Variants in PIR observed in about 807,000 individuals in gnomAD.
PIR encodes pirin, also known as pirin (iron-binding nuclear protein).
PIR carries 22 observed loss-of-function variants against 24.2 expected under a neutral mutation model. The ratio of observed to expected loss-of-function variants is 0.91; its 90% CI spans 0.65 to 1.30. PIR has a LOEUF of 1.30. Ranked by LOEUF, PIR falls within the 50% of genes most tolerant of loss-of-function variation. The pLI, the probability that PIR is intolerant of heterozygous loss-of-function variation, is 0.00. For synonymous variants in PIR, 80 were observed against 79.6 expected, an observed-to-expected ratio of 1.00 and a Z score of -0.03; for missense variants, 220 against 220.3, an observed-to-expected ratio of 1.00 and a Z score of 0.01.
At chrX:15,443,882 C>T (rs758370082) in intron 5 of PIR, among the ~76,000 whole-genome samples, 8 of 112,282 alleles carry the variant, frequency 7.1e-5, no homozygotes, top group Non-Finnish European at 1.5e-4. Context: ...TGAATTGCTA[C>T]AAGCTCATGA....
chrX:15,469,855 G>C (rs1288793473), intron 3 of PIR, among the ~76,000 whole-genome samples: 4 of 111,404 alleles, frequency 3.6e-5, no homozygotes, highest in Non-Finnish European at 7.5e-5. Flanking sequence ...GGACAAGTGA[G>C]AGCACTATTT....
chrX:15,462,794 T>C (rs1300466602), intron 3 of PIR, among the ~76,000 whole-genome samples: 2 of 112,112 alleles, frequency 1.8e-5, no homozygotes, highest in African/African-American at 6.5e-5. Context: ...ATAAAACCTA[T>C]GATACAATAA....
chrX:15,406,378 A>G (rs180980624), intron 7 of PIR, among the ~76,000 whole-genome samples: 221 of 112,358 alleles, frequency 2.0e-3, no homozygotes, highest in Non-Finnish European at 1.4e-3. Context: ...GGGAAGACAG[A>G]CAACGAAGGG....
chrX:15,436,333 G>C (rs1244946237), intron 5 of PIR, among the ~76,000 whole-genome samples: 53 of 111,860 alleles, frequency 4.7e-4, no homozygotes, highest in South Asian at 3.7e-4. Flanking sequence ...GACTAAAGGG[G>C]AAGAGAATAA....
intron 3 of PIR, among the ~76,000 whole-genome samples, chrX:15,467,272 C>T (rs1309497664): frequency 8.9e-6 from 1 of 112,614 alleles, no homozygotes; most frequent in Admixed American, 9.4e-5. Context: ...TCTAAAACAA[C>T]ATTATCTGTC....
intron 3 of PIR, among the ~76,000 whole-genome samples, chrX:15,466,580 C>T (rs1921608842): frequency 8.9e-6 from 1 of 111,960 alleles, no homozygotes; most frequent in African/African-American, 3.2e-5. Flanking sequence ...GAGGCTCAGT[C>T]TCCTCATGTA....
chrX:15,424,069 T>C (rs1327639576), intron 6 of PIR, among the ~76,000 whole-genome samples: 2 of 112,372 alleles, frequency 1.8e-5, no homozygotes, highest in African/African-American at 6.5e-5. Flanking sequence ...AACTACTGGG[T>C]ACCTATTTAA....
At chrX:15,412,463 T>C (rs1404329096) in intron 6 of PIR, among the ~76,000 whole-genome samples, 1 of 112,376 alleles carries the variant, frequency 8.9e-6, no homozygotes, top group African/African-American at 3.2e-5. Context: ...ATAATGAACA[T>C]ATATGTTTGC....
Position 15,424,503 on chromosome X carries a change from A to G in PIR, c.565+1403T>C, listed in dbSNP as rs145177965. ...TGTTTGATAGATCAGTAGGACGACT[A>G]TTGTTTACAACAATCTTTGTATATT... On this transcript the variant is annotated intron_variant, in intron 6 of 9. Transcript: ENST00000380420. 5.1e-3 allele frequency among the ~76,000 whole-genome samples: 575 copies of G among 112,179 alleles called. 4 individuals carry two copies. The highest frequency in any genetic ancestry group is 0.017 in the African/African-American group (532 of 30,902).
chrX:15,412,858 A>T (rs974986934), intron 6 of PIR, among the ~76,000 whole-genome samples: 1 of 112,156 alleles, frequency 8.9e-6, no homozygotes, highest in Non-Finnish European at 1.9e-5. Flanking sequence ...AAATGAGCAC[A>T]CACCATTACA....
chrX:15,469,291 G>T (rs969560139), intron 3 of PIR, among the ~76,000 whole-genome samples: 1 of 111,672 alleles, frequency 9.0e-6, no homozygotes, highest in Non-Finnish European at 1.9e-5. Context: ...TTATCTCTAG[G>T]AAAAGGCCCA....
chrX:15,454,150 A>T (rs1375472294), intron 5 of PIR, among the ~76,000 whole-genome samples: 1 of 111,336 alleles, frequency 9.0e-6, no homozygotes, highest in East Asian at 2.8e-4. Flanking sequence ...CTGATACTAT[A>T]CTGAACAATA....
chrX:15,436,032 C>T (rs1383138435), intron 5 of PIR, among the ~76,000 whole-genome samples: 1 of 112,111 alleles, frequency 8.9e-6, no homozygotes, highest in East Asian at 2.8e-4. Flanking sequence ...CATATTTTGA[C>T]ATATACATGA....
At chrX:15,413,271 T>C (rs1452112195) in intron 6 of PIR, among the ~76,000 whole-genome samples, 2 of 111,680 alleles carry the variant, frequency 1.8e-5, no homozygotes, top group Admixed American at 9.5e-5. Flanking sequence ...AGAAGGGTCA[T>C]TGCTATGGAG....
chrX:15,414,568 A>G (rs1266454195), intron 6 of PIR, among the ~76,000 whole-genome samples: 1 of 112,418 alleles, frequency 8.9e-6, no homozygotes, highest in Non-Finnish European at 1.9e-5. Context: ...AAATATACAG[A>G]ACTTTAAGGA....
intron 5 of PIR, among the ~76,000 whole-genome samples, chrX:15,431,679 C>CA (rs201006798): frequency 1.9e-5 from 2 of 104,950 alleles, no homozygotes; most frequent in Non-Finnish European, 3.9e-5. Flanking sequence ...CCACCCCCCC[C>CA]CCGAAAACCT....
intron 8 of PIR, among the ~76,000 whole-genome samples, chrX:15,390,878 G>GA (rs1367797648): frequency 9.0e-6 from 1 of 111,290 alleles, no homozygotes; most frequent in Non-Finnish European, 1.9e-5. Flanking sequence ...TGGATACAGG[G>GA]AAAAATACAC....
At chrX:15,395,325 G>A (rs886729342) in intron 8 of PIR, among the ~76,000 whole-genome samples, 2 of 111,945 alleles carry the variant, frequency 1.8e-5, no homozygotes, top group African/African-American at 6.5e-5. Flanking sequence ...CCATTATTGA[G>A]CATCTACAAC....
In PIR at chrX:15,451,389, T is replaced by C. The variant is rs1017753853; in HGVS notation, c.480+4459A>G. 9.2e-5 allele frequency among the ~76,000 whole-genome samples: 10 copies of C among 108,991 alleles called. No homozygotes were observed. The Admixed American group carries it at 9.8e-4, about 11-fold the overall frequency. 94.6% of individuals were successfully genotyped at this position (108,991 alleles called of 115,157 possible). Reference sequence around the variant, plus strand: ...AACAATTTGGGTCCTGCAAAAGAGTTCACATTTAAAGAAAAAAAAAAAAGA... The same window carrying C: ...AACAATTTGGGTCCTGCAAAAGAGTCCACATTTAAAGAAAAAAAAAAAAGA... On this transcript the variant is annotated intron_variant, in intron 5 of 9. Coordinates refer to ENST00000380420, the MANE Select transcript of PIR (RefSeq NM_001018109.3).
Sources: allele counts gnomAD v4.1 joint callset (sites outside exome capture counted in the v4.1 genomes callset), GRCh38; gene constraint gnomAD v4.1.1; transcripts MANE v1.5; gene names NCBI Gene and HGNC (gene_info 2026-07-23, HGNC 2026-07-21).